The following DROSHA variants were observed in gnomAD, a reference collection of about 807,000 sequenced individuals.
DROSHA encodes ribonuclease 3.
DROSHA carries 56 observed loss-of-function variants against 181.9 expected under a neutral mutation model. The ratio of observed to expected loss-of-function variants is 0.31; its 90% confidence interval spans 0.25 to 0.38. The LOEUF (loss-of-function observed/expected upper bound fraction) is 0.38. Among genes scored for constraint, DROSHA ranks in the 10% least tolerant of loss-of-function variants. The pLI, the probability that DROSHA is intolerant of heterozygous loss-of-function variation, is 1.00. For synonymous variants in DROSHA, 524 were observed against 591.2 expected (o/e 0.89, Z 1.65); for missense variants, 1,218 against 1,743.5 (o/e 0.70, Z 5.37).
At position 31,466,584 on chromosome 5, in the gene DROSHA, G is replaced by A. The variant is rs535392445; in HGVS notation, c.2367-303C>T. On this transcript the variant is annotated intron_variant, in intron 18 of 35. Coordinates refer to ENST00000344624, the MANE Select transcript of DROSHA (RefSeq NM_001382508.1). ...AGACACAAAAACACCTCAACCAAAGGAATCATCCTGTTTCTCACTGTTACC... is the reference window on the plus strand; with the variant it reads ...AGACACAAAAACACCTCAACCAAAGAAATCATCCTGTTTCTCACTGTTACC... The A allele has an allele frequency of 1.4e-4, 33 of 231,702 alleles. 1 individual carries two copies. In the South Asian group the frequency reaches 2.0e-3, roughly 14 times the overall value. The allele number at this position is 231,702 out of a possible 1,614,324, so 14.4% of individuals were successfully genotyped here.
At chr5:31,429,683 T>C (rs1434966660) in intron 26 of DROSHA, 138 bp from the exon 27 acceptor site, 2 of 629,322 alleles carry the variant, frequency 3.2e-6, no homozygotes, top group Non-Finnish European at 2.8e-6. Context: ...AGCAATTGTC[T>C]TAAAGGTGAC....
rs767118229 is a variant in DROSHA at position 31,511,143 on chromosome 5, G to A, written c.1324C>T (p.Arg442Cys). The change falls in exon 9 of 36, where the codon CGT becomes TGT. Residue 442 changes from arginine (R) to cysteine (C), a missense_variant. Physicochemically the swap from Arg to Cys is radical, Grantham distance 180 (BLOSUM62 -3). Around this residue, in one of 8 missense-constraint regions of DROSHA, gnomAD observed 460 missense variants for 774.2 expected, o/e 0.59. Coordinates refer to ENST00000344624, the MANE Select transcript of DROSHA (RefSeq NM_001382508.1). ...DSTVVGTSRLRDLYDKFEEEL... is the reference protein window; with the variant it reads ...DSTVVGTSRLCDLYDKFEEEL... Reference sequence around the variant, plus strand: ...TCCTCAAATTTGTCATATAAGTCACGAAGCCTACTCGTTCCAACCACTGTA... The same window carrying A: ...TCCTCAAATTTGTCATATAAGTCACAAAGCCTACTCGTTCCAACCACTGTA... 8 of 1,613,782 alleles carry A rather than the reference G, an allele frequency of 5.0e-6. No homozygotes were observed. The highest frequency in any genetic ancestry group is 2.2e-5 in the East Asian group (1 of 44,864).
rs141028808 is a variant in DROSHA at position 31,520,030 on chromosome 5, A to G, written c.947+1093T>C. 1.3e-3 allele frequency among the ~76,000 whole-genome samples: 196 copies of G among 152,292 alleles called. 1 individual carries two copies. The highest frequency in any genetic ancestry group is 6.8e-3 in the Middle Eastern group (2 of 294). On this transcript the variant is annotated intron_variant, in intron 6 of 35. Coordinates refer to ENST00000344624, the MANE Select transcript of DROSHA (RefSeq NM_001382508.1). ...GCCATCTGGTTTTTCCTGCTACTAC[A>G]GAATGAGCTGAGCTTTCCTTCCATC...
At chr5:31,510,209 T>G (rs570725718) in intron 9 of DROSHA, among the ~76,000 whole-genome samples, 260 of 152,318 alleles carry the variant, frequency 1.7e-3, no homozygotes, top group African/African-American at 5.8e-3. Context: ...TGTATTTACA[T>G]GTACTGCATG....
In DROSHA at chr5:31,526,200, G is replaced by A. The variant is rs746252202; in HGVS notation, c.733C>T (p.Arg245Trp). Reference protein sequence around the residue: ...DHSHGRGERHRSLDRRERGRS... With the variant: ...DHSHGRGERHWSLDRRERGRS... Reference sequence around the variant, plus strand: ...CCTCGCTCCCGCCGATCCAGGGACCGATGCCTCTCACCTCGCCCATGACTG... The same window carrying A: ...CCTCGCTCCCGCCGATCCAGGGACCAATGCCTCTCACCTCGCCCATGACTG... The change falls in exon 5 of 36, where the codon CGG (arginine) becomes TGG (tryptophan). Residue 245 changes from arginine to tryptophan, a missense_variant. Physicochemically the swap from Arg to Trp is moderately radical, Grantham distance 101. Around this residue, in one of 8 missense-constraint regions of DROSHA, gnomAD observed 536 missense variants for 535.4 expected, o/e 1.00. Coordinates refer to ENST00000344624, the MANE Select transcript of DROSHA (RefSeq NM_001382508.1). 1.1e-5 allele frequency: 18 copies of A among 1,613,848 alleles called. No homozygotes were observed. Among genetic ancestry groups the A allele is most frequent in the Middle Eastern group, 1.6e-4 (1 of 6,062 alleles).
chr5:31,450,744 G>C (rs1331881141), intron 21 of DROSHA, among the ~76,000 whole-genome samples: 1 of 152,064 alleles, frequency 6.6e-6, no homozygotes, highest in Non-Finnish European at 1.5e-5. Context: ...CACTACTCAG[G>C]TGACAGGTAA....
chr5:31,525,203 C>T (rs559650669), intron 5 of DROSHA, among the ~76,000 whole-genome samples: 4 of 151,796 alleles, frequency 2.6e-5, no homozygotes, highest in South Asian at 2.1e-4. Context: ...TGGTGGTGCA[C>T]GCCTGTAATC....
Position 31,411,493 on chromosome 5 carries a change from T to C in DROSHA, c.3526-606A>G, listed in dbSNP as rs147283081. ...GCTTCAAGTTTCACGGCACTGATGCTAATTTTGATATTATAGGACTTAAGT... is the reference window on the plus strand; with the variant it reads ...GCTTCAAGTTTCACGGCACTGATGCCAATTTTGATATTATAGGACTTAAGT... On this transcript the variant is annotated intron_variant, in intron 30 of 35. Transcript: ENST00000344624. The surrounding 1 kb of genome is among the most constrained non-coding windows in gnomAD (Gnocchi z 4.2). Among the ~76,000 whole-genome samples, 1 of 152,318 alleles carries C rather than the reference T, an allele frequency of 6.6e-6. No homozygotes were observed. The highest frequency in any genetic ancestry group is 2.4e-5 in the African/African-American group (1 of 41,580).
chr5:31,411,221 T>C lies in DROSHA; in HGVS notation c.3526-334A>G, dbSNP rs552077455. The stretch of plus-strand genomic sequence containing the variant: ...TCATAGTTTCTAATAAGTTTAATGC[T>C]ACAAAATAAGGAAGCATTAAGAGTG... On this transcript the variant is annotated intron_variant, in intron 30 of 35. Transcript: ENST00000344624. The surrounding 1 kb of genome is among the most constrained non-coding windows in gnomAD (Gnocchi z 4.2). Among the ~76,000 whole-genome samples the C allele has an allele frequency of 1.3e-5, 2 of 152,332 alleles. No individual in the cohort carries two copies. The highest frequency in any genetic ancestry group is 6.5e-5 in the Admixed American group (1 of 15,308).
intron 10 of DROSHA, 67 bp from the exon 11 acceptor site, chr5:31,504,702 T>C: frequency 6.5e-7 from 1 of 1,539,166 alleles, no homozygotes. Context: ...CGGTGATGCC[T>C]CCGAAAATGC....
chr5:31,478,678 G>C (rs1320038001), intron 16 of DROSHA, among the ~76,000 whole-genome samples: 1 of 152,122 alleles, frequency 6.6e-6, no homozygotes, highest in Non-Finnish European at 1.5e-5. Context: ...AGGTTGCAGT[G>C]AGCCGAGATG....
chr5:31,526,762 A>T lies in DROSHA; in HGVS notation c.171T>A (p.Ser57Arg). Reference protein sequence around the residue: ...PPVQYQYEPPSAPSTTFSNSP... With the variant: ...PPVQYQYEPPRAPSTTFSNSP... The stretch of plus-strand genomic sequence containing the variant: ...AGTTTGAGAAAGTGGTGGAAGGGGC[A>T]CTTGGAGGTTCATATTGATATTGCA... Residue 57 changes from serine to arginine, a missense_variant, in exon 5 of 36, where the codon AGT becomes AGA. Ser to Arg is a moderately radical substitution (Grantham distance 110). Around this residue, in one of 8 missense-constraint regions of DROSHA, gnomAD observed 536 missense variants for 535.4 expected, o/e 1.00. Coordinates refer to ENST00000344624, the MANE Select transcript of DROSHA (RefSeq NM_001382508.1). The T allele has an allele frequency of 6.3e-7, 1 of 1,594,840 alleles. No homozygotes were observed. The highest frequency in any genetic ancestry group is 8.5e-7 in the Non-Finnish European group (1 of 1,172,532).
Position 31,466,214 on chromosome 5 carries a change from G to A in DROSHA, c.2434C>T (p.Gln812Ter). 2 of 1,613,604 alleles carry A rather than the reference G, an allele frequency of 1.2e-6. No individual in the cohort carries two copies. Among genetic ancestry groups the A allele is most frequent in the Non-Finnish European group, 1.7e-6 (2 of 1,179,724 alleles). ...TGTGCCAGCTTCTGTTTGTCAGTTT[G>A]TTTGACTTTGGGACTATTTGCTAGG... The part of the protein sequence containing the change: ...HLLANSPKVK[Q>*]TDKQKLAQRE... The change falls in exon 19 of 36, where the codon CAA (glutamine) becomes TAA (stop). Residue 812 changes from glutamine (Q) to a stop codon, truncating the protein, a stop_gained. Coordinates refer to ENST00000344624, the MANE Select transcript of DROSHA (RefSeq NM_001382508.1). LOFTEE classifies it high-confidence loss of function.
intron 24 of DROSHA, among the ~76,000 whole-genome samples, chr5:31,436,670 G>T (rs12523260): frequency 0.44 from 67,051 of 151,336 alleles, 15,863 homozygotes; most frequent in Non-Finnish European, 0.54. Context: ...TGGGATTCCA[G>T]GCGTGAGCCA....
At chr5:31,478,361 T>A (rs1198351538) in intron 16 of DROSHA, among the ~76,000 whole-genome samples, 1 of 152,244 alleles carries the variant, frequency 6.6e-6, no homozygotes, top group Non-Finnish European at 1.5e-5. Flanking sequence ...GAATTTGTGA[T>A]GGGCCACATT....
At chr5:31,504,317 C>A (rs1737654253) in intron 11 of DROSHA, among the ~76,000 whole-genome samples, 1 of 152,152 alleles carries the variant, frequency 6.6e-6, no homozygotes, top group African/African-American at 2.4e-5. Context: ...ATCAAACACA[C>A]CATGCCTATT....
At chr5:31,469,938 T>C (rs1749545136) in intron 17 of DROSHA, among the ~76,000 whole-genome samples, 1 of 152,230 alleles carries the variant, frequency 6.6e-6, no homozygotes, top group African/African-American at 2.4e-5. Flanking sequence ...CCCAATATTC[T>C]TGCCATTTTG....
chr5:31,526,889 C>T lies in DROSHA; in HGVS notation c.44G>A (p.Gly15Glu). The change falls in exon 5 of 36, where the codon GGA becomes GAA. Residue 15 changes from glycine (G) to glutamate (E), a missense_variant. By Grantham distance (98) the Gly-to-Glu change is moderately conservative. Transcript: ENST00000344624. ...TCCTCGTCCTCGGGGACACCCTCGT[C>T]CCGGGTGGAACGACATTCTGTGACT... ...NTCHRMSFHP[G>E]RGCPRGRGGH... 6.2e-7 allele frequency: 1 copy of T among 1,612,896 alleles called. No homozygotes were observed. Among genetic ancestry groups the T allele is most frequent in the Non-Finnish European group, 8.5e-7 (1 of 1,179,770 alleles).
chr5:31,502,567 G>A (rs1167774149), intron 11 of DROSHA, among the ~76,000 whole-genome samples: 1 of 152,180 alleles, frequency 6.6e-6, no homozygotes, highest in Admixed American at 6.5e-5. Flanking sequence ...CCATCATAAG[G>A]CAGGAGTGGT....
Sources: allele counts gnomAD v4.1 joint callset (sites outside exome capture counted in the v4.1 genomes callset), GRCh38; gene constraint gnomAD v4.1.1; regional missense constraint gnomAD v4.1.1; non-coding constraint Gnocchi (gnomAD v3.1); transcripts MANE v1.5; gene names NCBI Gene and HGNC (gene_info 2026-07-23, HGNC 2026-07-21).